The following SLC1A2 variants were observed in gnomAD, a reference collection of about 807,000 sequenced individuals.
SLC1A2 encodes excitatory amino acid transporter 2.
In SLC1A2, 15 loss-of-function variants were observed where a neutral mutation model predicts 48.8. The observed-to-expected ratio is 0.31, with a 90% confidence interval of 0.21 to 0.47. The LOEUF is 0.47. Ranked by LOEUF, SLC1A2 falls within the 20% of genes least tolerant of loss-of-function variation. The pLI, the probability that SLC1A2 is intolerant of heterozygous loss-of-function variation, is 0.99. For missense variants in SLC1A2, 502 were observed against 730.5 expected (o/e 0.69, Z 3.61); for synonymous variants, 279 against 272.6 (o/e 1.02, Z -0.23).
chr11:35,257,639 G>A lies in SLC1A2; in HGVS notation c.*3255C>T, dbSNP rs1432709021. 2 of 152,286 alleles carry A rather than the reference G, an allele frequency of 1.3e-5. No individual in the cohort carries two copies. Among genetic ancestry groups the A allele is most frequent in the East Asian group, 3.9e-4 (2 of 5,190 alleles). 9.4% of individuals were successfully genotyped at this position (152,286 alleles called of 1,614,324 possible). ...GATAAGCTATTCTTCTCACTGATTG[G>A]ATTGGATTTGATTCATTGAATTTGA... On this transcript the variant is annotated 3_prime_UTR_variant, in exon 11 of 11. Coordinates refer to ENST00000278379, the MANE Select transcript of SLC1A2 (RefSeq NM_004171.4).
At chr11:35,312,540 T>C in intron 3 of SLC1A2, 92 bp from the exon 4 acceptor site, 1 of 1,375,698 alleles carries the variant, frequency 7.3e-7, no homozygotes, top group Non-Finnish European at 1.0e-6. Context: ...TTCATATTAC[T>C]CAAATGTGTT....
At chr11:35,322,871 T>C (rs1450941764) in intron 1 of SLC1A2, 3 of 643,274 alleles carry the variant, frequency 4.7e-6, no homozygotes, top group African/African-American at 3.6e-5. Flanking sequence ...ACCCCTGCTT[T>C]AAAAGGGCCT....
intron 1 of SLC1A2, among the ~76,000 whole-genome samples, chr11:35,410,179 G>A (rs1855417908): frequency 1.3e-5 from 2 of 151,658 alleles, no homozygotes; most frequent in Non-Finnish European, 2.9e-5. Context: ...ATGTATTTGT[G>A]GTATACAACA....
Position 35,280,911 on chromosome 11 carries a change from C to A in SLC1A2, c.1377G>T (p.Leu459=). Residue 459 remains leucine (L), a synonymous_variant, in exon 9 of 11, where the codon CTG becomes CTT. Transcript: ENST00000278379. ...TMLLILTAVG[L]PTEDISLLVA... is the part of the protein sequence containing the mutation. ...CCAGCAGGCTGATGTCCTCTGTTGG[C>A]AGGCCCACGGCTGTCAGAATGAGGA... 1.2e-6 allele frequency: 2 copies of A among 1,613,106 alleles called. No individual in the cohort carries two copies. The highest frequency in any genetic ancestry group is 1.7e-6 in the Non-Finnish European group (2 of 1,179,674).
At chr11:35,285,776 AC>A (rs1164167805) in intron 8 of SLC1A2, 1 of 152,208 alleles carries the variant, frequency 6.6e-6, no homozygotes, top group East Asian at 1.9e-4. Context: ...TTCAAGGCAA[AC>A]AAAGCAACAC....
intron 9 of SLC1A2, among the ~76,000 whole-genome samples, chr11:35,267,026 G>T (rs959363793): frequency 6.6e-6 from 1 of 152,182 alleles, no homozygotes; most frequent in African/African-American, 2.4e-5. Context: ...CAGAGCTGGA[G>T]TTTAACTCTC....
At chr11:35,341,254 C>G (rs1013838841) in intron 1 of SLC1A2, among the ~76,000 whole-genome samples, 1 of 152,010 alleles carries the variant, frequency 6.6e-6, no homozygotes, top group Non-Finnish European at 1.5e-5. Context: ...GTGGGGGTAA[C>G]GAGACTTAAG....
chr11:35,419,960 C>T (rs1855736737), upstream of SLC1A2: 1 of 469,846 alleles, frequency 2.1e-6, no homozygotes, highest in Non-Finnish European at 4.4e-6. The surrounding 1 kb of genome is among the most constrained non-coding windows in gnomAD (Gnocchi z 5.4). Context: ...TCTGGGGGTC[C>T]CAGGTCCAGC....
rs1853830058 is a variant in SLC1A2, at chr11:35,365,864, T to A, written c.18-48348A>T. On this transcript the variant is annotated intron_variant, in intron 1 of 10. Transcript: ENST00000278379. ...TCAGTGGCTCTCTACAGGGGTGACT[T>A]TTCCCCTAGGAACACGTGGCAACAC... Among the ~76,000 whole-genome samples, 3 of 152,314 alleles carry A rather than the reference T, an allele frequency of 2.0e-5. No homozygotes were observed. The South Asian group carries it at 6.2e-4, about 32-fold the overall frequency.
intron 1 of SLC1A2, among the ~76,000 whole-genome samples, chr11:35,393,336 C>T (rs963839091): frequency 3.9e-5 from 6 of 152,116 alleles, no homozygotes; most frequent in Non-Finnish European, 7.4e-5. Context: ...TGAATGGCAC[C>T]GCATTTTATT....
chr11:35,287,002 C>T lies in SLC1A2; in HGVS notation c.1092-51G>A, dbSNP rs367748005. 20 of 1,404,706 alleles carry T rather than the reference C, an allele frequency of 1.4e-5. No homozygotes were observed. In the African/African-American group the frequency reaches 2.4e-4, roughly 17 times the overall value. The allele number at this position is 1,404,706 out of a possible 1,614,324, so 87.0% of individuals were successfully genotyped here. ...CAGGGTTATGTCCACTTTAGAGAAG[C>T]AGGACAATGCATAAACTGGAATGCC... On this transcript the variant is annotated intron_variant, in intron 7 of 10. Coordinates refer to ENST00000278379, the MANE Select transcript of SLC1A2 (RefSeq NM_004171.4).
In SLC1A2 at chr11:35,256,703, T is replaced by C. The variant is rs1226697761; in HGVS notation, c.*4191A>G. 2.0e-5 allele frequency: 3 copies of C among 152,122 alleles called. No homozygotes were observed. Among genetic ancestry groups the C allele is most frequent in the Non-Finnish European group, 4.4e-5 (3 of 68,030 alleles). The allele number at this position is 152,122 out of a possible 1,614,324, so 9.4% of individuals were successfully genotyped here. Reference sequence around the variant, plus strand: ...GATAATAACTGAAAATTTCATTTGGTCCTTTTTCTTGGTTTGGAATGAGTT... The same window carrying C: ...GATAATAACTGAAAATTTCATTTGGCCCTTTTTCTTGGTTTGGAATGAGTT... On this transcript the variant is annotated 3_prime_UTR_variant, in exon 11 of 11. Transcript: ENST00000278379.
At chr11:35,276,185 T>C (rs1291994226) in intron 9 of SLC1A2, among the ~76,000 whole-genome samples, 1 of 152,170 alleles carries the variant, frequency 6.6e-6, no homozygotes, top group African/African-American at 2.4e-5. Flanking sequence ...TGATATGTTA[T>C]TGCCCCATTT....
intron 6 of SLC1A2, among the ~76,000 whole-genome samples, chr11:35,300,965 C>A (rs572491049): frequency 6.6e-6 from 1 of 152,004 alleles, no homozygotes; most frequent in African/African-American, 2.4e-5. Flanking sequence ...GCCGAGCCTG[C>A]GATGAGCCAT....
At chr11:35,402,875 C>T (rs1321481173) in intron 1 of SLC1A2, among the ~76,000 whole-genome samples, 1 of 152,228 alleles carries the variant, frequency 6.6e-6, no homozygotes, top group Non-Finnish European at 1.5e-5. Flanking sequence ...TCAAACAACC[C>T]TTCGCTAGAG....
At chr11:35,293,625 C>T (rs111407956) in intron 6 of SLC1A2, among the ~76,000 whole-genome samples, 8,118 of 152,162 alleles carry the variant, frequency 0.053, 707 homozygotes, top group African/African-American at 0.18. Context: ...TATGGGAAGG[C>T]TGCTACCTTA....
intron 1 of SLC1A2, among the ~76,000 whole-genome samples, chr11:35,327,339 C>G (rs1852280949): frequency 6.6e-6 from 1 of 152,030 alleles, no homozygotes; most frequent in African/African-American, 2.4e-5. Flanking sequence ...TGGCTGATTC[C>G]CATACTGGTG....
chr11:35,271,122 T>A (rs1052741993), intron 9 of SLC1A2, among the ~76,000 whole-genome samples: 2 of 152,188 alleles, frequency 1.3e-5, no homozygotes, highest in African/African-American at 2.4e-5. Flanking sequence ...GAGTCAAAGA[T>A]TCCTCTCAGG....
intron 1 of SLC1A2, among the ~76,000 whole-genome samples, chr11:35,403,683 A>C (rs1855197892): frequency 6.6e-6 from 1 of 152,130 alleles, no homozygotes; most frequent in African/African-American, 2.4e-5. Context: ...ATGCCCAAAT[A>C]ATCTAAGATT....
Sources: allele counts gnomAD v4.1 joint callset (sites outside exome capture counted in the v4.1 genomes callset), GRCh38; gene constraint gnomAD v4.1.1; non-coding constraint Gnocchi (gnomAD v3.1); transcripts MANE v1.5; gene names NCBI Gene and HGNC (gene_info 2026-07-23, HGNC 2026-07-21).